FAM135B: variants seen among roughly 807,000 people sequenced by gnomAD.
The protein encoded by FAM135B is protein FAM135B.
Under a neutral mutation model 127.7 loss-of-function variants are expected in FAM135B, and 43 were observed. The observed-to-expected ratio is 0.34, with a 90% CI of 0.26 to 0.43. The LOEUF is 0.43. Ranked by LOEUF, FAM135B falls within the 20% of genes least tolerant of loss-of-function variation. The pLI, the probability that FAM135B is intolerant of heterozygous loss-of-function variation, is 1.00. For synonymous variants in FAM135B, 670 were observed against 665.1 expected (o/e 1.01, Z -0.11); for missense variants, 1,558 against 1,725.6 (o/e 0.90, Z 1.72).
At chr8:138,216,219 A>G (rs1818533328) in intron 7 of FAM135B, among the ~76,000 whole-genome samples, 1 of 152,146 alleles carries the variant, frequency 6.6e-6, no homozygotes, top group African/African-American at 2.4e-5. Flanking sequence ...AATAACTACA[A>G]TAACAATTTT....
chr8:138,346,635 T>C (rs1199422675), intron 2 of FAM135B, among the ~76,000 whole-genome samples: 2 of 151,688 alleles, frequency 1.3e-5, no homozygotes, highest in African/African-American at 4.8e-5. Context: ...CATGGACACA[T>C]AGGGGGAATG....
At chr8:138,444,237 G>T (rs554251155) in intron 1 of FAM135B, among the ~76,000 whole-genome samples, 7 of 152,092 alleles carry the variant, frequency 4.6e-5, no homozygotes, top group African/African-American at 7.2e-5. Flanking sequence ...CATTAGACAG[G>T]TCAACGAGAC....
chr8:138,308,869 G>T, intron 3 of FAM135B: 1 of 310,350 alleles, frequency 3.2e-6, no homozygotes, highest in East Asian at 8.7e-5. Flanking sequence ...CATCAGGTTG[G>T]CTGTGGTGTT....
chr8:138,249,574 C>T (rs1265805295), intron 6 of FAM135B, among the ~76,000 whole-genome samples: 1 of 152,124 alleles, frequency 6.6e-6, no homozygotes, highest in Non-Finnish European at 1.5e-5. Context: ...GGAAAGGAAC[C>T]CAGCAGATGG....
chr8:138,342,631 T>G (rs2131067299), intron 2 of FAM135B, among the ~76,000 whole-genome samples: 1 of 152,320 alleles, frequency 6.6e-6, no homozygotes, highest in South Asian at 2.1e-4. Context: ...ACTTCACGTA[T>G]GGCATAATGA....
chr8:138,487,331 C>A (rs780041230), intron 1 of FAM135B, among the ~76,000 whole-genome samples: 1 of 152,090 alleles, frequency 6.6e-6, no homozygotes, highest in Non-Finnish European at 1.5e-5. Flanking sequence ...CCATACCTTC[C>A]CGCCAGCCCC....
chr8:138,302,713 C>G (rs142698098), intron 3 of FAM135B, among the ~76,000 whole-genome samples: 1 of 152,346 alleles, frequency 6.6e-6, no homozygotes, highest in African/African-American at 2.4e-5. Context: ...GGCCTCCCCC[C>G]TCCCAAGCCC....
chr8:138,158,123 A>G (rs1371347878), intron 12 of FAM135B, among the ~76,000 whole-genome samples: 1 of 152,222 alleles, frequency 6.6e-6, no homozygotes, highest in East Asian at 1.9e-4. Flanking sequence ...GGAACAGAAC[A>G]GAACCCTCAG....
chr8:138,431,858 G>A (rs563905691), intron 1 of FAM135B, among the ~76,000 whole-genome samples: 3 of 152,186 alleles, frequency 2.0e-5, no homozygotes, highest in African/African-American at 7.2e-5. Context: ...GATTGACAGA[G>A]AGTCAAGAAG....
At chr8:138,494,554 T>C (rs1444400890) in intron 1 of FAM135B, among the ~76,000 whole-genome samples, 1 of 152,096 alleles carries the variant, frequency 6.6e-6, no homozygotes, top group Admixed American at 6.5e-5. Context: ...AGTGAGAAAT[T>C]GTTATTCTAG....
intron 3 of FAM135B, among the ~76,000 whole-genome samples, chr8:138,270,832 C>A (rs545741612): frequency 5.3e-5 from 8 of 152,302 alleles, no homozygotes; most frequent in African/African-American, 1.9e-4. Flanking sequence ...TTGGAGGGGA[C>A]AAACGTTTAA....
At chr8:138,420,415 CAG>C (rs1478446019) in intron 1 of FAM135B, among the ~76,000 whole-genome samples, 1 of 151,860 alleles carries the variant, frequency 6.6e-6, no homozygotes, top group African/African-American at 2.4e-5. Context: ...CAAAATTTAC[CAG>C]ATATAGACAG....
At chr8:138,356,797 A>G (rs1395488327) in intron 2 of FAM135B, among the ~76,000 whole-genome samples, 1 of 152,206 alleles carries the variant, frequency 6.6e-6, no homozygotes, top group South Asian at 2.1e-4. Context: ...ACATCAGCTG[A>G]ATGGAAGATT....
At chr8:138,181,777 C>T (rs1292997231) in intron 9 of FAM135B, among the ~76,000 whole-genome samples, 1 of 152,088 alleles carries the variant, frequency 6.6e-6, no homozygotes, top group Non-Finnish European at 1.5e-5. Flanking sequence ...TCTGATGACT[C>T]TTCTGAACCT....
Position 138,419,917 on chromosome 8 carries a change from A to G in FAM135B, c.-19-51915T>C, listed in dbSNP as rs188031907. Among the ~76,000 whole-genome samples the G allele has an allele frequency of 3.2e-3, 492 of 152,326 alleles. 1 individual carries two copies. Among genetic ancestry groups the G allele is most frequent in the Non-Finnish European group, 4.9e-3 (333 of 68,026 alleles). ...AAAGGTCTCAAATTAACAACCTAAC[A>G]TCACACCTAGGGGAACCAGAAAAAC... On this transcript the variant is annotated intron_variant, in intron 1 of 19. Coordinates refer to ENST00000395297, the MANE Select transcript of FAM135B (RefSeq NM_015912.4).
At chr8:138,161,710 G>A (rs982974473) in intron 12 of FAM135B, among the ~76,000 whole-genome samples, 1 of 152,014 alleles carries the variant, frequency 6.6e-6, no homozygotes, top group Non-Finnish European at 1.5e-5. Flanking sequence ...TCCTTACCAG[G>A]GCGCATTCTT....
intron 15 of FAM135B, among the ~76,000 whole-genome samples, chr8:138,145,297 C>T (rs1372328910): frequency 2.0e-5 from 3 of 152,014 alleles, no homozygotes; most frequent in African/African-American, 4.8e-5. Context: ...ATTATAGGTG[C>T]GAGCCACCGC....
intron 2 of FAM135B, among the ~76,000 whole-genome samples, chr8:138,323,945 T>C (rs1827626260): frequency 1.3e-5 from 2 of 152,230 alleles, no homozygotes; most frequent in African/African-American, 4.8e-5. Context: ...GCTGTCTTCA[T>C]GTGGCTGAAC....
chr8:138,277,614 C>T (rs776096684), intron 3 of FAM135B, among the ~76,000 whole-genome samples: 9 of 152,208 alleles, frequency 5.9e-5, no homozygotes, highest in Non-Finnish European at 1.3e-4. Flanking sequence ...CAGTCTCAGG[C>T]ATAGCCAGTG....
Sources: allele counts gnomAD v4.1 joint callset (sites outside exome capture counted in the v4.1 genomes callset), GRCh38; gene constraint gnomAD v4.1.1; transcripts MANE v1.5; gene names NCBI Gene and HGNC (gene_info 2026-07-23, HGNC 2026-07-21).